The following C8orf34 variants were observed in gnomAD, a reference collection of about 807,000 sequenced individuals.
C8orf34 encodes chromosome 8 open reading frame 34, also known as uncharacterized protein C8orf34.
Under a neutral mutation model 68.3 loss-of-function variants are expected in C8orf34, and 65 were observed. The observed-to-expected ratio is 0.95, with a 90% CI of 0.78 to 1.17. C8orf34 has a LOEUF of 1.17. Ranked by LOEUF, C8orf34 falls within the 50% of genes most tolerant of loss-of-function variation. C8orf34 has a pLI of 0.00. For missense variants in C8orf34, 664 were observed against 655.4 expected (o/e 1.01, Z -0.14); for synonymous variants, 244 against 241.2 (o/e 1.01, Z -0.11).
intron 1 of C8orf34, among the ~76,000 whole-genome samples, chr8:68,365,125 CA>C (rs1807189573): frequency 1.4e-5 from 2 of 145,264 alleles, no homozygotes; most frequent in African/African-American, 5.1e-5. Flanking sequence ...CACCTCTACG[CA>C]AATAAACTAG....
intron 1 of C8orf34, among the ~76,000 whole-genome samples, chr8:68,344,126 C>G (rs1273289777): frequency 6.6e-6 from 1 of 152,056 alleles, no homozygotes; most frequent in Non-Finnish European, 1.5e-5. Flanking sequence ...CATTATGTTT[C>G]TAGAAGTATT....
intron 7 of C8orf34, among the ~76,000 whole-genome samples, chr8:68,552,385 T>A (rs1816102094): frequency 6.6e-6 from 1 of 152,166 alleles, no homozygotes; most frequent in African/African-American, 2.4e-5. Context: ...TTTTTTAGTT[T>A]GTCAGAGTAC....
intron 1 of C8orf34, among the ~76,000 whole-genome samples, chr8:68,432,305 A>G (rs1337444031): frequency 6.6e-6 from 1 of 151,798 alleles, no homozygotes; most frequent in Non-Finnish European, 1.5e-5. Flanking sequence ...TAAATGACTG[A>G]TATTTTATTT....
At chr8:68,733,140 TC>T (rs1822031551) in intron 10 of C8orf34, among the ~76,000 whole-genome samples, 1 of 151,982 alleles carries the variant, frequency 6.6e-6, no homozygotes, top group Admixed American at 6.6e-5. Context: ...TTGAACTTTT[TC>T]TTTTCATCTT....
intron 12 of C8orf34, among the ~76,000 whole-genome samples, chr8:68,788,758 C>A (rs189417615): frequency 6.6e-6 from 1 of 152,058 alleles, no homozygotes; most frequent in Non-Finnish European, 1.5e-5. Flanking sequence ...CCTTGGGAGG[C>A]TGAGGCAGGA....
chr8:68,650,971 A>T (rs970492424), intron 8 of C8orf34, among the ~76,000 whole-genome samples: 3 of 152,210 alleles, frequency 2.0e-5, no homozygotes, highest in African/African-American at 7.2e-5. Context: ...CTATGTTTGC[A>T]GCTCAATTTT....
At chr8:68,673,670 G>A (rs553414157) in intron 8 of C8orf34, among the ~76,000 whole-genome samples, 98 of 152,250 alleles carry the variant, frequency 6.4e-4, no homozygotes, top group Middle Eastern at 3.4e-3. Flanking sequence ...CTGGCTCCTA[G>A]AAAACATCTG....
chr8:68,511,760 A>G (rs1337001554), intron 5 of C8orf34, among the ~76,000 whole-genome samples: 2 of 152,224 alleles, frequency 1.3e-5, no homozygotes, highest in African/African-American at 2.4e-5. Flanking sequence ...TAGAAGAACC[A>G]GGCAGAGAGA....
chr8:68,417,081 C>G (rs1809705049), intron 1 of C8orf34, among the ~76,000 whole-genome samples: 2 of 152,062 alleles, frequency 1.3e-5, no homozygotes, highest in Non-Finnish European at 2.9e-5. Context: ...GCTATTAAAA[C>G]TATTGTGTAG....
intron 8 of C8orf34, among the ~76,000 whole-genome samples, chr8:68,666,755 TACAAAAAGAA>T (rs1181800868): frequency 6.6e-6 from 1 of 152,178 alleles, no homozygotes; most frequent in Non-Finnish European, 1.5e-5. Context: ...TTTGTTTACA[TACAAAAAGAA>T]ACAATTTAGA....
intron 3 of C8orf34, among the ~76,000 whole-genome samples, chr8:68,468,161 C>G (rs1812227925): frequency 6.6e-6 from 1 of 152,096 alleles, no homozygotes; most frequent in East Asian, 1.9e-4. Context: ...TGCATCTTCT[C>G]TCAAAATATA....
At chr8:68,556,491 G>C (rs1463087453) in intron 7 of C8orf34, among the ~76,000 whole-genome samples, 1 of 151,908 alleles carries the variant, frequency 6.6e-6, no homozygotes, top group African/African-American at 2.4e-5. Context: ...AACTCTGTAG[G>C]CTTGAAATGC....
At chr8:68,394,453 G>A (rs1311059078) in intron 1 of C8orf34, among the ~76,000 whole-genome samples, 1 of 151,448 alleles carries the variant, frequency 6.6e-6, no homozygotes, top group African/African-American at 2.4e-5. Context: ...ATTCCATGGT[G>A]TATATGTGCC....
At chr8:68,632,825 C>T (rs1250773823) in intron 7 of C8orf34, among the ~76,000 whole-genome samples, 1 of 152,090 alleles carries the variant, frequency 6.6e-6, no homozygotes, top group Non-Finnish European at 1.5e-5. Context: ...TGGTGTTGGG[C>T]CTGCTGCTGT....
At chr8:68,407,323 C>T (rs898185119) in intron 1 of C8orf34, among the ~76,000 whole-genome samples, 1 of 151,680 alleles carries the variant, frequency 6.6e-6, no homozygotes, top group African/African-American at 2.4e-5. Context: ...ATTCCCTGGC[C>T]CCCCATTTGA....
chr8:68,340,840 A>G (rs985275227), intron 1 of C8orf34, among the ~76,000 whole-genome samples: 2 of 152,204 alleles, frequency 1.3e-5, no homozygotes, highest in African/African-American at 4.8e-5. Flanking sequence ...CAAAAACTGT[A>G]CAAAAAAGGA....
chr8:68,530,715 T>C lies in C8orf34; in HGVS notation c.939-2268T>C, dbSNP rs575332476. ...ATGTTTTATTTCCACTATTAAAGAG[T>C]AAACATGATTTTCTTTAAGTATTTG... On this transcript the variant is annotated intron_variant, in intron 6 of 13. Transcript: ENST00000518698. 6.3e-4 allele frequency: 415 copies of C among 661,740 alleles called. 1 individual carries two copies. The highest frequency in any genetic ancestry group is 7.9e-4 in the Non-Finnish European group (397 of 502,642). The allele number at this position is 661,740 out of a possible 1,614,324, so 41.0% of individuals were successfully genotyped here.
At chr8:68,645,667 A>G (rs933714640) in intron 8 of C8orf34, among the ~76,000 whole-genome samples, 1 of 152,220 alleles carries the variant, frequency 6.6e-6, no homozygotes, top group Admixed American at 6.5e-5. Flanking sequence ...AATTGAAACA[A>G]TACTATAATG....
chr8:68,463,395 T>C (rs1811944883), intron 3 of C8orf34, among the ~76,000 whole-genome samples: 1 of 152,180 alleles, frequency 6.6e-6, no homozygotes, highest in African/African-American at 2.4e-5. Flanking sequence ...CTTCTGAAAC[T>C]ATTCCAATCA....
Sources: gnomAD v4.1 joint callset for allele counts (sites outside exome capture counted in the v4.1 genomes callset) on GRCh38, gnomAD v4.1.1 for gene constraint, MANE v1.5 for transcripts, NCBI Gene and HGNC (gene_info 2026-07-23, HGNC 2026-07-21) for gene names.